The following HS3ST3B1 variants were observed in gnomAD, a reference collection of about 807,000 sequenced individuals.
HS3ST3B1 encodes the protein heparan sulfate-glucosamine 3-sulfotransferase 3B1.
In HS3ST3B1, 13 loss-of-function variants were observed where a neutral mutation model predicts 21.3. The observed-to-expected ratio is 0.61, with a 90% CI of 0.40 to 0.97. The LOEUF is 0.97. Among genes scored for constraint, HS3ST3B1 ranks in the 50% least tolerant of loss-of-function variants. HS3ST3B1 has a pLI of 0.00. For synonymous variants in HS3ST3B1, 234 were observed against 254.8 expected, an observed-to-expected ratio of 0.92 and a Z score of 0.78; for missense variants, 459 against 554.8, an observed-to-expected ratio of 0.83 and a Z score of 1.73.
chr17:14,306,047 A>G (rs1909128250), intron 1 of HS3ST3B1, among the ~76,000 whole-genome samples: 1 of 152,194 alleles, frequency 6.6e-6, no homozygotes, highest in African/African-American at 2.4e-5. Flanking sequence ...TTGAAGCAAG[A>G]TATTTATCAT....
chr17:14,330,636 T>C (rs1234435397), intron 1 of HS3ST3B1, among the ~76,000 whole-genome samples: 1 of 151,714 alleles, frequency 6.6e-6, no homozygotes, highest in East Asian at 1.9e-4. Context: ...TTGACTGGTG[T>C]TGCAGAGTGT....
intron 1 of HS3ST3B1, among the ~76,000 whole-genome samples, chr17:14,337,573 G>A (rs894452043): frequency 6.6e-6 from 1 of 151,044 alleles, no homozygotes; most frequent in Non-Finnish European, 1.5e-5. Flanking sequence ...CCTGGCCTCA[G>A]GTAATCTGCC....
intron 1 of HS3ST3B1, among the ~76,000 whole-genome samples, chr17:14,331,939 C>T (rs1333077655): frequency 6.6e-6 from 1 of 152,192 alleles, no homozygotes; most frequent in Admixed American, 6.5e-5. Flanking sequence ...CCAGCCTCCT[C>T]CCGCCAAACC....
rs1447967863 is a variant in HS3ST3B1 at position 14,347,079 on chromosome 17, A to G, written c.*1433A>G. On this transcript the variant is annotated 3_prime_UTR_variant, in exon 2 of 2. Transcript: ENST00000360954. Reference sequence around the variant, plus strand: ...CTAGCTCATCTCAGAATTATATCTTAGAGTGATAATATGGGTGGTAGCCAG... The same window carrying G: ...CTAGCTCATCTCAGAATTATATCTTGGAGTGATAATATGGGTGGTAGCCAG... 1 of 152,246 alleles carries G rather than the reference A, an allele frequency of 6.6e-6. No homozygotes were observed. Among genetic ancestry groups the G allele is most frequent in the Non-Finnish European group, 1.5e-5 (1 of 68,052 alleles). 9.4% of individuals were successfully genotyped at this position (152,246 alleles called of 1,614,324 possible). A position where few individuals can be genotyped will look rare whatever the true frequency, so the allele number is the denominator to read the frequency against.
intron 1 of HS3ST3B1, among the ~76,000 whole-genome samples, chr17:14,316,597 C>G (rs147083956): frequency 6.6e-6 from 1 of 152,216 alleles, no homozygotes; most frequent in Non-Finnish European, 1.5e-5. Flanking sequence ...ATGCTAGCAC[C>G]GAGATGATTG....
chr17:14,325,584 C>G (rs1417760582), intron 1 of HS3ST3B1, among the ~76,000 whole-genome samples: 1 of 152,142 alleles, frequency 6.6e-6, no homozygotes, highest in African/African-American at 2.4e-5. Flanking sequence ...CTCTCAAAAG[C>G]AATAAAAGGC....
rs1908924269 is a variant in HS3ST3B1, at chr17:14,301,583, C to T, written c.65C>T (p.Pro22Leu). Residue 22 changes from proline (P) to leucine (L), a missense_variant, in exon 1 of 2, where the codon CCG becomes CTG. Pro to Leu is a moderately conservative substitution (Grantham distance 98). Coordinates refer to ENST00000360954, the MANE Select transcript of HS3ST3B1 (RefSeq NM_006041.3). ...GTCCCCGGCCGGCTCCTACCGCAGC[C>T]GCCGCCGCCCCCGCCGCCGGTGAGG... ...LDVPGRLLPQ[P>L]PPPPPPVRRK... is the part of the protein sequence containing the mutation. 6.3e-7 allele frequency: 1 copy of T among 1,595,920 alleles called. No homozygotes were observed. The highest frequency in any genetic ancestry group is 1.7e-5 in the Admixed American group (1 of 59,266).
At chr17:14,313,214 C>T (rs993897430) in intron 1 of HS3ST3B1, among the ~76,000 whole-genome samples, 3 of 151,406 alleles carry the variant, frequency 2.0e-5, no homozygotes, top group Non-Finnish European at 4.4e-5. Flanking sequence ...GTGATCCACC[C>T]GCCTTGGCCT....
intron 1 of HS3ST3B1, among the ~76,000 whole-genome samples, chr17:14,308,780 C>T (rs1909209793): frequency 1.3e-5 from 2 of 152,184 alleles, no homozygotes; most frequent in South Asian, 4.1e-4. Context: ...CGCCATTGCC[C>T]AGAATGTGAA....
At chr17:14,315,583 G>A (rs372473643) in intron 1 of HS3ST3B1, among the ~76,000 whole-genome samples, 18 of 152,166 alleles carry the variant, frequency 1.2e-4, no homozygotes, top group African/African-American at 4.1e-4. Context: ...AGCACTTTGG[G>A]AGGCCGAGGT....
chr17:14,335,733 A>T (rs1910168239), intron 1 of HS3ST3B1, among the ~76,000 whole-genome samples: 1 of 152,090 alleles, frequency 6.6e-6, no homozygotes, highest in African/African-American at 2.4e-5. Flanking sequence ...GTCTCTATTG[A>T]TGATTCTTTC....
Position 14,345,753 on chromosome 17 carries a change from T to A in HS3ST3B1, c.*107T>A. On this transcript the variant is annotated 3_prime_UTR_variant, in exon 2 of 2. Transcript: ENST00000360954. ...TTTATAATAATTTATTTTTAATTCA[T>A]AAGCAATTAATTCACTAAGCTGCCT... 2 of 1,365,422 alleles carry A rather than the reference T, an allele frequency of 1.5e-6. No homozygotes were observed. Among genetic ancestry groups the A allele is most frequent in the Admixed American group, 5.3e-5 (2 of 37,500 alleles). 84.6% of individuals were successfully genotyped at this position (1,365,422 alleles called of 1,614,324 possible).
At chr17:14,338,177 G>A (rs1910246346) in intron 1 of HS3ST3B1, among the ~76,000 whole-genome samples, 1 of 151,850 alleles carries the variant, frequency 6.6e-6, no homozygotes, top group Admixed American at 6.6e-5. Flanking sequence ...CCAGGCTGGA[G>A]TGCAGTGGTG....
At chr17:14,312,778 A>G (rs1909349224) in intron 1 of HS3ST3B1, among the ~76,000 whole-genome samples, 1 of 151,476 alleles carries the variant, frequency 6.6e-6, no homozygotes, top group African/African-American at 2.4e-5. Context: ...TCACATTGAC[A>G]CACCCCCACA....
At position 14,345,355 on chromosome 17, in the gene HS3ST3B1, C is replaced by A. The variant is rs953796988; in HGVS notation, c.882C>A (p.Phe294Leu). 1.8e-6 allele frequency: 2 copies of A among 1,095,374 alleles called. No homozygotes were observed. Among genetic ancestry groups the A allele is most frequent in the Non-Finnish European group, 2.6e-6 (2 of 758,838 alleles). The allele number at this position is 1,095,374 out of a possible 1,614,324, so 67.9% of individuals were successfully genotyped here. A position where few individuals can be genotyped will look rare whatever the true frequency, so the allele number is the denominator to read the frequency against. ...ACTTCCCCATCCGCCAGATGCTCTT[C>A]GTGAGCGGCGAGCGGCTCATCAGCG... ...LRHFPIRQML[F>L]VSGERLISDP... is the part of the protein sequence containing the mutation. Residue 294 changes from phenylalanine to leucine, a missense_variant, in exon 2 of 2, where the codon TTC (phenylalanine) becomes TTA (leucine). Phe to Leu is a conservative substitution (Grantham distance 22). Coordinates refer to ENST00000360954, the MANE Select transcript of HS3ST3B1 (RefSeq NM_006041.3).
intron 1 of HS3ST3B1, among the ~76,000 whole-genome samples, chr17:14,337,266 G>T (rs1910212581): frequency 1.3e-5 from 2 of 151,214 alleles, no homozygotes; most frequent in South Asian, 4.2e-4. Context: ...TTCATATCTG[G>T]TAACCAACTC....
intron 1 of HS3ST3B1, among the ~76,000 whole-genome samples, chr17:14,324,815 T>G (rs958945968): frequency 6.6e-6 from 1 of 152,154 alleles, no homozygotes; most frequent in African/African-American, 2.4e-5. Flanking sequence ...GTCTCCACTG[T>G]GTTATCCAGG....
At chr17:14,338,011 AC>A (rs1910242035) in intron 1 of HS3ST3B1, among the ~76,000 whole-genome samples, 2 of 151,690 alleles carry the variant, frequency 1.3e-5, no homozygotes, top group Non-Finnish European at 2.9e-5. Flanking sequence ...TTGAAGCCCC[AC>A]CCATCCAGGG....
intron 1 of HS3ST3B1, among the ~76,000 whole-genome samples, chr17:14,332,070 T>G (rs2142345409): frequency 6.6e-6 from 1 of 152,312 alleles, no homozygotes. Flanking sequence ...CTGGGAAAAC[T>G]TCCTTTTCGC....
Sources: allele counts gnomAD v4.1 joint callset (sites outside exome capture counted in the v4.1 genomes callset), GRCh38; gene constraint gnomAD v4.1.1; transcripts MANE v1.5; gene names NCBI Gene and HGNC (gene_info 2026-07-23, HGNC 2026-07-21).